Variants in ALCAM observed in about 807,000 individuals in gnomAD.
The protein encoded by ALCAM is CD166 antigen.
ALCAM carries 30 observed loss-of-function variants against 70.9 expected under a neutral mutation model. The ratio of observed to expected loss-of-function variants is 0.42; its 90% CI spans 0.32 to 0.57. The LOEUF (loss-of-function observed/expected upper bound fraction) is 0.57, where lower values mean the gene tolerates loss of function less well. Ranked by LOEUF, ALCAM falls within the 20% of genes least tolerant of loss-of-function variation. The pLI is 0.11. For missense variants in ALCAM, 591 were observed against 695.1 expected (o/e 0.85, Z 1.68); for synonymous variants, 249 against 242.5 (o/e 1.03, Z -0.25).
intron 1 of ALCAM, among the ~76,000 whole-genome samples, chr3:105,491,355 C>T (rs1938581053): frequency 6.6e-6 from 1 of 152,210 alleles, no homozygotes; most frequent in South Asian, 2.1e-4. Context: ...ACATTTTTCC[C>T]ATTGTCCTGG....
chr3:105,496,827 G>GGGGTGT (rs755792411), intron 1 of ALCAM, among the ~76,000 whole-genome samples: 2,834 of 103,862 alleles, frequency 0.027, 42 homozygotes, highest in Middle Eastern at 0.062. Flanking sequence ...GTCCAATTGA[G>GGGGTGT]GTGTGTGTGT....
At chr3:105,410,879 AC>A (rs1936371178) in intron 1 of ALCAM, among the ~76,000 whole-genome samples, 1 of 152,062 alleles carries the variant, frequency 6.6e-6, no homozygotes, top group East Asian at 1.9e-4. Flanking sequence ...TATTCAAAAC[AC>A]CCTTTGACAT....
chr3:105,471,039 C>T (rs182511547), intron 1 of ALCAM, among the ~76,000 whole-genome samples: 2 of 151,278 alleles, frequency 1.3e-5, no homozygotes, highest in Non-Finnish European at 3.0e-5. Flanking sequence ...CCTGTCCTTA[C>T]ACTCAACTTC....
At chr3:105,573,220 C>A (rs950331617) in intron 15 of ALCAM, among the ~76,000 whole-genome samples, 1 of 152,030 alleles carries the variant, frequency 6.6e-6, no homozygotes, top group African/African-American at 2.4e-5. Context: ...CCAGCTACTC[C>A]AGTGGCTGAG....
At chr3:105,538,528 T>C (rs761593031) in intron 6 of ALCAM, among the ~76,000 whole-genome samples, 3 of 152,082 alleles carry the variant, frequency 2.0e-5, no homozygotes, top group Non-Finnish European at 4.4e-5. Flanking sequence ...GCGGAGCCTA[T>C]TGAAAAGGGA....
intron 1 of ALCAM, among the ~76,000 whole-genome samples, chr3:105,428,154 C>T (rs1325891017): frequency 6.6e-6 from 1 of 151,866 alleles, no homozygotes; most frequent in Non-Finnish European, 1.5e-5. Context: ...TGTAAATACC[C>T]CATGACTGAG....
At chr3:105,473,807 T>C (rs1938013801) in intron 1 of ALCAM, among the ~76,000 whole-genome samples, 1 of 151,596 alleles carries the variant, frequency 6.6e-6, no homozygotes, top group Non-Finnish European at 1.5e-5. Flanking sequence ...ACTGAAGTCC[T>C]AGAAAGGTAT....
chr3:105,457,931 T>C (rs1288525431), intron 1 of ALCAM, among the ~76,000 whole-genome samples: 1 of 152,176 alleles, frequency 6.6e-6, no homozygotes, highest in Non-Finnish European at 1.5e-5. Flanking sequence ...ATCCTGAATG[T>C]TTAGTTACCT....
intron 12 of ALCAM, among the ~76,000 whole-genome samples, chr3:105,550,745 G>A (rs1940380246): frequency 6.6e-6 from 1 of 151,516 alleles, no homozygotes; most frequent in Non-Finnish European, 1.5e-5. Flanking sequence ...TAGCAAGAGT[G>A]ATTTTAGAAT....
intron 1 of ALCAM, among the ~76,000 whole-genome samples, chr3:105,398,892 T>C (rs1378876768): frequency 2.6e-5 from 4 of 152,148 alleles, no homozygotes; most frequent in Middle Eastern, 3.4e-3. Flanking sequence ...CTAGGACTCA[T>C]AAGCTTTTTT....
chr3:105,367,524 G>A (rs778712846), intron 1 of ALCAM, 43 bp downstream of exon 1: 2 of 1,609,338 alleles, frequency 1.2e-6, no homozygotes, highest in Non-Finnish European at 8.5e-7. Flanking sequence ...ACGTGGGCCT[G>A]GAGCAGTTTC....
At chr3:105,371,443 T>C (rs919627854) in intron 1 of ALCAM, among the ~76,000 whole-genome samples, 1 of 152,124 alleles carries the variant, frequency 6.6e-6, no homozygotes, top group Non-Finnish European at 1.5e-5. Flanking sequence ...ATATTGTTAA[T>C]AGAATAACAT....
intron 1 of ALCAM, among the ~76,000 whole-genome samples, chr3:105,410,481 T>C (rs1936359286): frequency 6.6e-6 from 1 of 152,006 alleles, no homozygotes; most frequent in Non-Finnish European, 1.5e-5. Flanking sequence ...TCTGAGTGTT[T>C]ATGTAGTTAT....
At chr3:105,452,960 T>C (rs965749988) in intron 1 of ALCAM, among the ~76,000 whole-genome samples, 2 of 152,224 alleles carry the variant, frequency 1.3e-5, no homozygotes, top group African/African-American at 2.4e-5. Flanking sequence ...TCCTTGCAGA[T>C]TCTGGATATT....
At chr3:105,473,923 G>A (rs1450877441) in intron 1 of ALCAM, among the ~76,000 whole-genome samples, 1 of 151,054 alleles carries the variant, frequency 6.6e-6, no homozygotes, top group Non-Finnish European at 1.5e-5. Context: ...GCCTTCTTGT[G>A]TCTGTCACAT....
At chr3:105,465,049 T>G (rs1180900601) in intron 1 of ALCAM, among the ~76,000 whole-genome samples, 1 of 151,422 alleles carries the variant, frequency 6.6e-6, no homozygotes, top group Non-Finnish European at 1.5e-5. Context: ...TACTTAGATA[T>G]TGTGATAATG....
At chr3:105,501,919 C>G (rs370156454) in intron 1 of ALCAM, among the ~76,000 whole-genome samples, 2 of 152,288 alleles carry the variant, frequency 1.3e-5, no homozygotes, top group African/African-American at 4.8e-5. Context: ...AAAGCAAACT[C>G]AAGTTACAGT....
At chr3:105,559,514 G>A (rs530130198) in intron 14 of ALCAM, among the ~76,000 whole-genome samples, 31 of 152,000 alleles carry the variant, frequency 2.0e-4, no homozygotes, top group African/African-American at 7.2e-4. Flanking sequence ...ATGGCAGGAG[G>A]CAAGAGAGCT....
chr3:105,421,430 A>C (rs553470458), intron 1 of ALCAM, among the ~76,000 whole-genome samples: 104 of 151,694 alleles, frequency 6.9e-4, no homozygotes, highest in African/African-American at 2.4e-3. Flanking sequence ...AATTCATAAT[A>C]AACATTTATT....
Sources: gnomAD v4.1 joint callset for allele counts (sites outside exome capture counted in the v4.1 genomes callset) on GRCh38, gnomAD v4.1.1 for gene constraint, MANE v1.5 for transcripts, NCBI Gene and HGNC (gene_info 2026-07-23, HGNC 2026-07-21) for gene names.